TENM4: variants seen among roughly 807,000 people sequenced by gnomAD.
TENM4 encodes the protein teneurin transmembrane protein 4.
TENM4 carries 82 observed loss-of-function variants against 243.3 expected under a neutral mutation model. The ratio of observed to expected loss-of-function variants is 0.34; its 90% CI spans 0.28 to 0.40. TENM4 has a LOEUF of 0.40. Ranked by LOEUF, TENM4 falls within the 10% of genes least tolerant of loss-of-function variation. The pLI is 1.00. For synonymous variants in TENM4, 1,412 were observed against 1,456.3 expected (o/e 0.97, Z 0.69); for missense variants, 3,138 against 3,673.3 (o/e 0.85, Z 3.77).
At chr11:79,295,272 G>A (rs977328687) in intron 2 of TENM4, among the ~76,000 whole-genome samples, 1 of 152,158 alleles carries the variant, frequency 6.6e-6, no homozygotes, top group Non-Finnish European at 1.5e-5. Flanking sequence ...ATCACTCTGG[G>A]AACCAGCTCT....
At chr11:78,846,640 C>T (rs184415135) in intron 12 of TENM4, among the ~76,000 whole-genome samples, 32 of 152,330 alleles carry the variant, frequency 2.1e-4, no homozygotes, top group African/African-American at 7.7e-4. Flanking sequence ...ATTTTCCTTC[C>T]ACCTCAATTA....
intron 2 of TENM4, among the ~76,000 whole-genome samples, chr11:79,246,615 G>T (rs1034928273): frequency 3.3e-5 from 5 of 152,152 alleles, no homozygotes; most frequent in African/African-American, 1.2e-4. Flanking sequence ...CCACAATTTG[G>T]ATGACTCTTA....
chr11:79,164,253 T>C (rs1407770212), intron 3 of TENM4, among the ~76,000 whole-genome samples: 1 of 108,444 alleles, frequency 9.2e-6, no homozygotes, highest in Admixed American at 9.5e-5. Context: ...ATAGTATATA[T>C]AGTATATAGA....
intron 12 of TENM4, among the ~76,000 whole-genome samples, chr11:78,839,018 C>G (rs1207637853): frequency 1.3e-5 from 2 of 152,134 alleles, no homozygotes; most frequent in Non-Finnish European, 2.9e-5. Context: ...TTACATGTAA[C>G]TGGTAATATT....
chr11:79,011,735 T>C (rs566561233), intron 6 of TENM4, among the ~76,000 whole-genome samples: 7 of 152,358 alleles, frequency 4.6e-5, no homozygotes, highest in South Asian at 2.1e-4. Context: ...GAGAAACTTA[T>C]GGCCTGAAAT....
chr11:78,676,260 G>A lies in TENM4; in HGVS notation c.5388C>T (p.Gly1796=). 6.2e-7 allele frequency: 1 copy of A among 1,612,300 alleles called. No individual in the cohort carries two copies. The highest frequency in any genetic ancestry group is 8.5e-7 in the Non-Finnish European group (1 of 1,178,684). Residue 1796 remains glycine (G), a synonymous_variant, in exon 30 of 34, where the codon GGC becomes GGT. Transcript: ENST00000278550. ...CGATGGGCAGCGTGACATTCCTCTTGCCCACGGTGGGGTTGACGGTGCCAG... is the reference window on the plus strand; with the variant it reads ...CGATGGGCAGCGTGACATTCCTCTTACCCACGGTGGGGTTGACGGTGCCAG... ...LLAGTVNPTV[G]KRNVTLPIDN...
At chr11:78,723,870 C>G (rs983416466) in intron 23 of TENM4, among the ~76,000 whole-genome samples, 20 of 152,304 alleles carry the variant, frequency 1.3e-4, no homozygotes, top group Admixed American at 2.6e-4. Flanking sequence ...TTTACGTACT[C>G]TAATCAATCA....
chr11:78,670,510 A>C lies in TENM4; in HGVS notation c.5835T>G (p.Phe1945Leu), dbSNP rs1263281254. 6.2e-7 allele frequency: 1 copy of C among 1,612,888 alleles called. No individual in the cohort carries two copies. Among genetic ancestry groups the C allele is most frequent in the Non-Finnish European group, 8.5e-7 (1 of 1,179,652 alleles). Reference protein sequence around the residue: ...LLLHSQRQYIFEFDKNDRLSS... With the variant: ...LLLHSQRQYILEFDKNDRLSS... ...AGAGGCGGTCATTCTTGTCGAACTC[A>C]AAGATATACTGCCTCTGGCTGTGTA... The change falls in exon 32 of 34, where the codon TTT becomes TTG. Residue 1945 changes from phenylalanine to leucine, a missense_variant. Phe to Leu is a conservative substitution (Grantham distance 22, BLOSUM62 0). This residue lies in a region of TENM4 where 2,467 missense variants were observed against 3,059.1 expected (regional missense o/e 0.81). Coordinates refer to ENST00000278550, the MANE Select transcript of TENM4 (RefSeq NM_001098816.3).
chr11:79,414,392 G>C (rs1858769389), intron 1 of TENM4, among the ~76,000 whole-genome samples: 1 of 152,186 alleles, frequency 6.6e-6, no homozygotes. Context: ...ACTGTGACAA[G>C]GGACTGTAAT....
intron 4 of TENM4, among the ~76,000 whole-genome samples, chr11:79,100,934 C>G (rs1445556742): frequency 6.6e-6 from 1 of 152,116 alleles, no homozygotes; most frequent in African/African-American, 2.4e-5. Flanking sequence ...AAGGTCACAC[C>G]AGACTGGGGT....
At chr11:79,161,608 G>A (rs942116174) in intron 3 of TENM4, among the ~76,000 whole-genome samples, 5 of 152,158 alleles carry the variant, frequency 3.3e-5, no homozygotes, top group Non-Finnish European at 5.9e-5. Flanking sequence ...CCATAGCTAG[G>A]AGAGGAGCAT....
At chr11:78,765,985 A>G (rs1856532276) in intron 18 of TENM4, among the ~76,000 whole-genome samples, 2 of 152,256 alleles carry the variant, frequency 1.3e-5, no homozygotes, top group Non-Finnish European at 2.9e-5. Flanking sequence ...TAGAATGTAA[A>G]ATTTTATAGA....
At chr11:79,045,038 GTTCTAGAACAT>G (rs1429524205) in intron 6 of TENM4, among the ~76,000 whole-genome samples, 3 of 152,060 alleles carry the variant, frequency 2.0e-5, no homozygotes, top group Non-Finnish European at 4.4e-5. Flanking sequence ...TGACTACCTG[GTTCTAGAACAT>G]TTTCTTCACT....
chr11:78,993,174 G>A (rs1858087002), intron 6 of TENM4, among the ~76,000 whole-genome samples: 1 of 152,128 alleles, frequency 6.6e-6, no homozygotes. Flanking sequence ...GGGGCATGAA[G>A]CATAGACCCA....
At chr11:78,916,783 G>T (rs1295279990) in intron 6 of TENM4, among the ~76,000 whole-genome samples, 1 of 152,074 alleles carries the variant, frequency 6.6e-6, no homozygotes. Flanking sequence ...TCAATGATGG[G>T]ATATTTCAGG....
At position 78,875,139 on chromosome 11, in the gene TENM4, ACATGT is replaced by A. The variant is rs1322493198; in HGVS notation, c.1085-12012_1085-12008del. 3.4e-3 allele frequency among the ~76,000 whole-genome samples: 513 copies of A among 152,358 alleles called. 3 individuals are homozygous for A. Among genetic ancestry groups the A allele is most frequent in the African/African-American group, 0.012 (483 of 41,580 alleles). On this transcript the variant is annotated intron_variant, in intron 9 of 33. Transcript: ENST00000278550. ...TGCAAACCGCCGCCCCAGTCAGTGC[ACATGT>A]GCATGGCAGTGCTGGCACAGTACAC...
chr11:79,258,823 G>A (rs1855743626), intron 2 of TENM4, among the ~76,000 whole-genome samples: 1 of 152,174 alleles, frequency 6.6e-6, no homozygotes, highest in Non-Finnish European at 1.5e-5. Flanking sequence ...AGAATGATGT[G>A]TCTGTCATTT....
chr11:79,034,430 C>A (rs962438841), intron 6 of TENM4, among the ~76,000 whole-genome samples: 2 of 152,118 alleles, frequency 1.3e-5, no homozygotes, highest in Non-Finnish European at 2.9e-5. Context: ...TCCTTATTAA[C>A]CTCCAGCACT....
intron 3 of TENM4, among the ~76,000 whole-genome samples, chr11:79,149,661 C>T (rs964765082): frequency 2.6e-4 from 40 of 152,084 alleles, no homozygotes; most frequent in African/African-American, 5.1e-4. Flanking sequence ...TTGTATTTTA[C>T]GGCCTAGGAT....
Sources: allele counts gnomAD v4.1 joint callset (sites outside exome capture counted in the v4.1 genomes callset), GRCh38; gene constraint gnomAD v4.1.1; regional missense constraint gnomAD v4.1.1; transcripts MANE v1.5; gene names NCBI Gene and HGNC (gene_info 2026-07-23, HGNC 2026-07-21).